Variants in ZNF445 observed in about 807,000 individuals in gnomAD.
ZNF445 encodes the protein zinc finger protein 445.
ZNF445 carries 19 observed loss-of-function variants against 93.9 expected under a neutral mutation model. The observed-to-expected ratio is 0.20, with a 90% CI of 0.14 to 0.30. The LOEUF (loss-of-function observed/expected upper bound fraction) is 0.30, where lower values mean the gene tolerates loss of function less well. ZNF445 is among the 10% of genes least tolerant of loss of function. The probability of loss-of-function intolerance (pLI) is 1.00; values close to 1 mark genes in which losing one functional copy is unlikely to be tolerated. For missense variants in ZNF445, 1,058 were observed against 1,259.4 expected (o/e 0.84, Z 2.42); for synonymous variants, 449 against 446.3 (o/e 1.01, Z -0.08).
chr3:44,461,324 A>C (rs1490645705), intron 1 of ZNF445, among the ~76,000 whole-genome samples: 1 of 152,108 alleles, frequency 6.6e-6, no homozygotes, highest in Non-Finnish European at 1.5e-5. Context: ...CTGGTTTGGA[A>C]GACTTCTACT....
Position 44,463,361 on chromosome 3 carries a change from T to A in ZNF445, c.-268-4997A>T, listed in dbSNP as rs566382495. Among the ~76,000 whole-genome samples the A allele has an allele frequency of 2.0e-5, 3 of 152,200 alleles. No individual in the cohort carries two copies. In the South Asian group the frequency reaches 6.2e-4, roughly 32 times the overall value. ...TGTCTTGCCACTCTTAATGCACAGATGAGAGGCCCTAAGATAACTTCTGGT... is the reference window on the plus strand; with the variant it reads ...TGTCTTGCCACTCTTAATGCACAGAAGAGAGGCCCTAAGATAACTTCTGGT... On this transcript the variant is annotated intron_variant, in intron 1 of 7. Transcript: ENST00000396077.
At chr3:44,453,909 T>G (rs1022389565) in intron 3 of ZNF445, among the ~76,000 whole-genome samples, 31 of 152,190 alleles carry the variant, frequency 2.0e-4, no homozygotes, top group African/African-American at 7.2e-4. Context: ...GGTTGTGGAA[T>G]GAAGTCTAAA....
Position 44,455,105 on chromosome 3 carries a change from A to C in ZNF445, c.429+16T>G, listed in dbSNP as rs1698009720. On this transcript the variant is annotated intron_variant, in intron 3 of 7. Coordinates refer to ENST00000396077, the MANE Select transcript of ZNF445 (RefSeq NM_181489.6). ...AGGCAGAGTTCCCTGGGCACCACAC[A>C]CTTGCTCACACTCACCCTCCAGGAT... The C allele has an allele frequency of 6.2e-7, 1 of 1,613,876 alleles. No individual in the cohort carries two copies. The highest frequency in any genetic ancestry group is 8.5e-7 in the Non-Finnish European group (1 of 1,179,956).
At chr3:44,458,669 T>C (rs1183423147) in intron 1 of ZNF445, among the ~76,000 whole-genome samples, 1 of 151,940 alleles carries the variant, frequency 6.6e-6, no homozygotes, top group African/African-American at 2.4e-5. Flanking sequence ...GCTCAGAAAA[T>C]AGAACACCTC....
chr3:44,453,839 C>A (rs910149671), intron 3 of ZNF445, among the ~76,000 whole-genome samples: 1 of 152,148 alleles, frequency 6.6e-6, no homozygotes, highest in Admixed American at 6.6e-5. Context: ...ACCATTTCTG[C>A]ATTTTCTTCT....
In ZNF445 at chr3:44,473,179, C is replaced by T. The variant is rs561426094; in HGVS notation, c.-269+4412G>A. Among the ~76,000 whole-genome samples, 20 of 152,080 alleles carry T rather than the reference C, an allele frequency of 1.3e-4. No homozygotes were observed. In the East Asian group the frequency reaches 3.7e-3, roughly 28 times the overall value. On this transcript the variant is annotated intron_variant, in intron 1 of 7. Coordinates refer to ENST00000396077, the MANE Select transcript of ZNF445 (RefSeq NM_181489.6). ...TCACCACTTAAGAAAAAATGCAGGC[C>T]GGGCGCAGTGGCTCACACCTGTAAT...
intron 1 of ZNF445, among the ~76,000 whole-genome samples, chr3:44,475,221 G>A (rs762213968): frequency 6.6e-6 from 1 of 151,866 alleles, no homozygotes; most frequent in Non-Finnish European, 1.5e-5. Flanking sequence ...TTTTTGAGAC[G>A]GAGTTTCACT....
At chr3:44,470,045 A>G (rs1410517693) in intron 1 of ZNF445, among the ~76,000 whole-genome samples, 4 of 151,888 alleles carry the variant, frequency 2.6e-5, no homozygotes, top group Non-Finnish European at 5.9e-5. Context: ...CTCCCACCTC[A>G]ACCTCCTGAA....
At chr3:44,462,683 GAAA>G (rs35028138) in intron 1 of ZNF445, among the ~76,000 whole-genome samples, 1 of 144,772 alleles carries the variant, frequency 6.9e-6, no homozygotes, top group Non-Finnish European at 1.5e-5. Flanking sequence ...GAAAAAAAAA[GAAA>G]AAAAAAAGAA....
intron 1 of ZNF445, among the ~76,000 whole-genome samples, chr3:44,467,734 GT>G (rs1490861696): frequency 6.6e-6 from 1 of 152,170 alleles, no homozygotes; most frequent in Non-Finnish European, 1.5e-5. Flanking sequence ...GCCAAGCACA[GT>G]AAGGCTAAAG....
chr3:44,455,983 T>C (rs1553612892), intron 2 of ZNF445, among the ~76,000 whole-genome samples: 1 of 152,216 alleles, frequency 6.6e-6, no homozygotes, highest in Non-Finnish European at 1.5e-5. Flanking sequence ...ATGCATGTAC[T>C]GGAAGATGTG....
In ZNF445 at chr3:44,443,256, A is replaced by G. The variant is rs1482869192; in HGVS notation, c.*3319T>C. 2 of 152,254 alleles carry G rather than the reference A, an allele frequency of 1.3e-5. No homozygotes were observed. Among genetic ancestry groups the G allele is most frequent in the Non-Finnish European group, 2.9e-5 (2 of 68,052 alleles). 9.4% of individuals were successfully genotyped at this position (152,254 alleles called of 1,614,324 possible). A position where few individuals can be genotyped will look rare whatever the true frequency, so the allele number is the denominator to read the frequency against. ...GATTCTGCCAAAATCTTTAGTAGTT[A>G]GCACCAAGTAGTCAGGCTTCTACTT... On this transcript the variant is annotated 3_prime_UTR_variant, in exon 8 of 8. Transcript: ENST00000396077.
At chr3:44,454,515 C>A (rs1299093945) in intron 3 of ZNF445, among the ~76,000 whole-genome samples, 1 of 152,190 alleles carries the variant, frequency 6.6e-6, no homozygotes, top group Non-Finnish European at 1.5e-5. Context: ...CTCACTGCAG[C>A]CTTGACCTAA....
chr3:44,462,294 A>T (rs895143959), intron 1 of ZNF445, among the ~76,000 whole-genome samples: 4 of 152,192 alleles, frequency 2.6e-5, no homozygotes, highest in Non-Finnish European at 5.9e-5. Context: ...TCAAGAGCTT[A>T]ACCTTGTGAC....
At chr3:44,474,506 T>C (rs1390783746) in intron 1 of ZNF445, among the ~76,000 whole-genome samples, 1 of 151,886 alleles carries the variant, frequency 6.6e-6, no homozygotes. Flanking sequence ...AAGAGCAAAA[T>C]TCCGTCTCAA....
chr3:44,465,678 T>G (rs559025985), intron 1 of ZNF445, among the ~76,000 whole-genome samples: 100 of 152,264 alleles, frequency 6.6e-4, no homozygotes, highest in African/African-American at 2.1e-3. Flanking sequence ...TTTGGGAGGC[T>G]GAGGCAGGAG....
intron 2 of ZNF445, among the ~76,000 whole-genome samples, chr3:44,457,670 CTGA>C (rs1385176402): frequency 6.6e-5 from 10 of 152,100 alleles, no homozygotes; most frequent in African/African-American, 1.9e-4. Context: ...ATAAGGAAAA[CTGA>C]CCAAAACCTC....
intron 1 of ZNF445, among the ~76,000 whole-genome samples, chr3:44,462,692 A>G (rs1698133734): frequency 6.6e-6 from 1 of 152,148 alleles, no homozygotes; most frequent in Admixed American, 6.5e-5. Flanking sequence ...AGAAAAAAAA[A>G]AGAAACTGCT....
At position 44,448,433 on chromosome 3, in the gene ZNF445, A is replaced by C. The variant is rs766701816; in HGVS notation, c.1238T>G (p.Leu413Arg). The change falls in exon 8 of 8, where the codon CTT (leucine) becomes CGT (arginine). Residue 413 changes from leucine (L) to arginine (R), a missense_variant. Coordinates refer to ENST00000396077, the MANE Select transcript of ZNF445 (RefSeq NM_181489.6). Reference protein sequence around the residue: ...YLRVSGRKESLKHGCGKHFRM... With the variant: ...YLRVSGRKESRKHGCGKHFRM... ...GAAGTGTTTGCCACAGCCATGTTTA[A>C]GGGATTCCTTTCTTCCAGAAACTCT... is the stretch of plus-strand genomic sequence containing the variant. 2 of 1,614,060 alleles carry C rather than the reference A, an allele frequency of 1.2e-6. No homozygotes were observed. Among genetic ancestry groups the C allele is most frequent in the Admixed American group, 3.3e-5 (2 of 59,956 alleles).
Sources: allele counts gnomAD v4.1 joint callset (sites outside exome capture counted in the v4.1 genomes callset), GRCh38; gene constraint gnomAD v4.1.1; transcripts MANE v1.5; gene names NCBI Gene and HGNC (gene_info 2026-07-23, HGNC 2026-07-21).